TUSC3: variants seen among roughly 807,000 people sequenced by gnomAD.
TUSC3 encodes the protein dolichyl-diphosphooligosaccharide--protein glycosyltransferase subunit TUSC3.
A neutral mutation model predicts 44.8 loss-of-function variants in TUSC3; 45 were observed. The observed-to-expected ratio is 1.00, with a 90% CI of 0.79 to 1.29. The LOEUF is 1.29. Among genes scored for constraint, TUSC3 ranks in the 50% most tolerant of loss-of-function variants. The pLI, the probability that TUSC3 is intolerant of heterozygous loss-of-function variation, is 0.00. For missense variants in TUSC3, 519 were observed against 437.9 expected (o/e 1.19, Z -1.65); for synonymous variants, 212 against 152.9 (o/e 1.39, Z -2.85).
Position 15,691,475 on chromosome 8 carries a change from C to T in TUSC3, c.798+17639C>T, listed in dbSNP as rs552982016. Among the ~76,000 whole-genome samples, 5 of 152,232 alleles carry T rather than the reference C, an allele frequency of 3.3e-5. No individual in the cohort carries two copies. The South Asian group carries it at 1.0e-3, about 32-fold the overall frequency. On this transcript the variant is annotated intron_variant, in intron 6 of 10. Transcript: ENST00000503731. Reference sequence around the variant, plus strand: ...GCAAACATAGATAGTTTGACTTCCTCTCTTTTTATTTTGATGCCTTTTATT... The same window carrying T: ...GCAAACATAGATAGTTTGACTTCCTTTCTTTTTATTTTGATGCCTTTTATT...
intron 1 of TUSC3, among the ~76,000 whole-genome samples, chr8:15,430,341 C>T (rs1025625489): frequency 8.0e-5 from 12 of 149,762 alleles, no homozygotes; most frequent in East Asian, 1.9e-4. Context: ...AATCAATAAA[C>T]GTAATCCAGC....
the TUSC3 span, among the ~76,000 whole-genome samples, chr8:15,782,451 C>T: frequency 1.3e-5 from 2 of 152,066 alleles, no homozygotes; most frequent in African/African-American, 4.8e-5. Context: ...TGCACTCGAG[C>T]CTTGGTGACA....
intron 6 of TUSC3, among the ~76,000 whole-genome samples, chr8:15,691,668 T>G (rs2129190329): frequency 6.6e-6 from 1 of 152,346 alleles, no homozygotes; most frequent in Admixed American, 6.5e-5. Flanking sequence ...CTGTTATTTT[T>G]TTGAAATATG....
intron 1 of TUSC3, among the ~76,000 whole-genome samples, chr8:15,612,370 A>T (rs1441312302): frequency 1.3e-5 from 2 of 152,236 alleles, no homozygotes; most frequent in Non-Finnish European, 2.9e-5. Flanking sequence ...AGAGTAAAAA[A>T]TATGAGATTA....
chr8:15,711,378 G>A (rs1398344136), intron 6 of TUSC3, among the ~76,000 whole-genome samples: 1 of 151,384 alleles, frequency 6.6e-6, no homozygotes, highest in African/African-American at 2.4e-5. Flanking sequence ...AAGGATCTGT[G>A]CCATTGATAA....
At chr8:15,605,510 A>G (rs1290735031) in intron 1 of TUSC3, among the ~76,000 whole-genome samples, 1 of 151,976 alleles carries the variant, frequency 6.6e-6, no homozygotes, top group East Asian at 1.9e-4. Context: ...GGGTCTATTT[A>G]TACATAGATT....
intron 1 of TUSC3, among the ~76,000 whole-genome samples, chr8:15,543,656 G>T (rs973143886): frequency 1.3e-4 from 19 of 151,674 alleles, no homozygotes; most frequent in Non-Finnish European, 1.8e-4. Flanking sequence ...GTCACTAAGT[G>T]GTAGCTGTTA....
At chr8:15,801,629 C>G in the TUSC3 span, among the ~76,000 whole-genome samples, 4 of 152,034 alleles carry the variant, frequency 2.6e-5, no homozygotes, top group African/African-American at 9.7e-5. Context: ...TGGCAGGCAA[C>G]TTGATCAAAA....
At chr8:15,760,712 T>A (rs1341643604) in intron 10 of TUSC3, among the ~76,000 whole-genome samples, 1 of 152,164 alleles carries the variant, frequency 6.6e-6, no homozygotes, top group Middle Eastern at 3.2e-3. Context: ...CTACGACAGT[T>A]CAGCTGAGTG....
chr8:15,674,038 T>A (rs1159744752), intron 6 of TUSC3, among the ~76,000 whole-genome samples: 1 of 152,066 alleles, frequency 6.6e-6, no homozygotes, highest in Non-Finnish European at 1.5e-5. Flanking sequence ...GGATGAGGGC[T>A]GCTTTAGTGT....
At chr8:15,599,422 T>G (rs1473981209) in intron 1 of TUSC3, among the ~76,000 whole-genome samples, 1 of 151,758 alleles carries the variant, frequency 6.6e-6, no homozygotes, top group African/African-American at 2.4e-5. Flanking sequence ...AGCAGAAGTT[T>G]TAAATTTTAG....
At chr8:15,706,891 T>C (rs900880686) in intron 6 of TUSC3, among the ~76,000 whole-genome samples, 1 of 151,920 alleles carries the variant, frequency 6.6e-6, no homozygotes, top group Non-Finnish European at 1.5e-5. Flanking sequence ...GGAAGTTAAG[T>C]TGTAGGGCGC....
At chr8:15,427,026 G>A (rs537585968) in intron 1 of TUSC3, among the ~76,000 whole-genome samples, 37 of 150,380 alleles carry the variant, frequency 2.5e-4, no homozygotes, top group African/African-American at 7.8e-4. Context: ...TTGAAGAAAT[G>A]TTTAAGTCTT....
intron 6 of TUSC3, among the ~76,000 whole-genome samples, chr8:15,676,728 A>G (rs1463885391): frequency 6.6e-6 from 1 of 152,212 alleles, no homozygotes; most frequent in East Asian, 1.9e-4. Context: ...ACAGCCTCCT[A>G]TACCCAATTA....
chr8:15,552,792 A>G lies in TUSC3; in HGVS notation c.138+12224A>G, dbSNP rs1458997683. Among the ~76,000 whole-genome samples, 3 of 151,674 alleles carry G rather than the reference A, an allele frequency of 2.0e-5. 1 individual carries two copies. Among genetic ancestry groups the G allele is most frequent in the Non-Finnish European group, 4.4e-5 (3 of 67,868 alleles). ...GAAGGGTTTTATCTTGGGAGTGACA[A>G]AGTGAGGTTTATATTTAGAAGGATT... On this transcript the variant is annotated intron_variant, in intron 1 of 10. Coordinates refer to ENST00000503731, the MANE Select transcript of TUSC3 (RefSeq NM_006765.4).
At chr8:15,657,466 A>T (rs1191605215) in intron 3 of TUSC3, among the ~76,000 whole-genome samples, 5 of 152,176 alleles carry the variant, frequency 3.3e-5, no homozygotes, top group Non-Finnish European at 7.3e-5. Context: ...TGTAAGAAGG[A>T]TGGTCTTTTT....
At chr8:15,539,734 T>C (rs1182259896), upstream of TUSC3, among the ~76,000 whole-genome samples, 3 of 152,138 alleles carry the variant, frequency 2.0e-5, no homozygotes, top group Non-Finnish European at 4.4e-5. Context: ...AGTACGGTGC[T>C]CTGTACTTAT....
chr8:15,544,313 C>G (rs1319705842), intron 1 of TUSC3, among the ~76,000 whole-genome samples: 1 of 146,532 alleles, frequency 6.8e-6, no homozygotes, highest in African/African-American at 2.4e-5. Flanking sequence ...TTTATAATGA[C>G]CTCTTCTGAT....
intron 6 of TUSC3, 121 bp downstream of exon 6, chr8:15,673,957 T>G: frequency 1.2e-6 from 1 of 823,946 alleles, no homozygotes; most frequent in Non-Finnish European, 1.9e-6. Flanking sequence ...TATATATTCT[T>G]TCTCATTTAC....
Sources: allele counts gnomAD v4.1 joint callset (sites outside exome capture counted in the v4.1 genomes callset), GRCh38; gene constraint gnomAD v4.1.1; transcripts MANE v1.5; gene names NCBI Gene and HGNC (gene_info 2026-07-23, HGNC 2026-07-21).